Variants in NECAB1 observed in about 807,000 individuals in gnomAD.
The protein encoded by NECAB1 is N-terminal EF-hand calcium binding protein 1.
A neutral mutation model predicts 57.5 loss-of-function variants in NECAB1; 29 were observed. The ratio of observed to expected loss-of-function variants is 0.50; its 90% CI spans 0.38 to 0.69. The LOEUF is 0.69. Among genes scored for constraint, NECAB1 ranks in the 30% least tolerant of loss-of-function variants. The pLI, the probability that NECAB1 is intolerant of heterozygous loss-of-function variation, is 0.00. For synonymous variants in NECAB1, 142 were observed against 147.7 expected (o/e 0.96, Z 0.28); for missense variants, 372 against 413.8 (o/e 0.90, Z 0.88).
At chr8:90,834,615 C>G (rs1420859520) in intron 3 of NECAB1, among the ~76,000 whole-genome samples, 1 of 152,066 alleles carries the variant, frequency 6.6e-6, no homozygotes. Context: ...TATAAATTAC[C>G]CAGTCTGAAG....
chr8:90,793,003 A>G (rs1811600891), intron 1 of NECAB1, among the ~76,000 whole-genome samples: 1 of 152,190 alleles, frequency 6.6e-6, no homozygotes, highest in African/African-American at 2.4e-5. Context: ...GAAAATGTCA[A>G]AGGACATGGA....
chr8:90,885,107 T>C (rs1808944309), intron 5 of NECAB1, among the ~76,000 whole-genome samples: 1 of 152,216 alleles, frequency 6.6e-6, no homozygotes, highest in Admixed American at 6.5e-5. Context: ...CTAACCCTTC[T>C]AATTCATGTG....
At chr8:90,858,283 A>G (rs1812831083) in intron 3 of NECAB1, among the ~76,000 whole-genome samples, 1 of 152,224 alleles carries the variant, frequency 6.6e-6, no homozygotes, top group Non-Finnish European at 1.5e-5. Flanking sequence ...AACTGGCATC[A>G]GGTGTAGTAA....
At chr8:90,925,382 T>C (rs1420462841) in intron 6 of NECAB1, among the ~76,000 whole-genome samples, 153 bp from the exon 7 acceptor site, 3 of 152,198 alleles carry the variant, frequency 2.0e-5, no homozygotes, top group Non-Finnish European at 4.4e-5. Flanking sequence ...CCAAATTACA[T>C]TGGGTTTCTA....
At chr8:90,905,249 A>G (rs953410017) in intron 5 of NECAB1, among the ~76,000 whole-genome samples, 3 of 152,342 alleles carry the variant, frequency 2.0e-5, no homozygotes, top group African/African-American at 7.2e-5. Context: ...ATACAGGAAC[A>G]GGAACTTCAG....
At chr8:90,848,347 G>T (rs1428839157) in intron 3 of NECAB1, among the ~76,000 whole-genome samples, 1 of 152,062 alleles carries the variant, frequency 6.6e-6, no homozygotes, top group African/African-American at 2.4e-5. Flanking sequence ...CTCTAGTTTG[G>T]GAAATTCCAA....
At chr8:90,888,260 T>A (rs1809058430) in intron 5 of NECAB1, among the ~76,000 whole-genome samples, 1 of 152,214 alleles carries the variant, frequency 6.6e-6, no homozygotes, top group African/African-American at 2.4e-5. Flanking sequence ...CAAAGTACAC[T>A]GTTCTATTTA....
At position 90,959,141 on chromosome 8, in the gene NECAB1, C is replaced by T. The variant is rs1275707216; in HGVS notation, c.*3629C>T. On this transcript the variant is annotated 3_prime_UTR_variant, in exon 13 of 13. Coordinates refer to ENST00000417640, the MANE Select transcript of NECAB1 (RefSeq NM_022351.5). ...TACCAGGTGTTTACAGATTTAAATGCATGTTACCATAGAAACTATTAAAGT... is the reference window on the plus strand; with the variant it reads ...TACCAGGTGTTTACAGATTTAAATGTATGTTACCATAGAAACTATTAAAGT... 6 of 502,966 alleles carry T rather than the reference C, an allele frequency of 1.2e-5. No homozygotes were observed. Among genetic ancestry groups the T allele is most frequent in the Non-Finnish European group, 2.1e-5 (6 of 291,134 alleles). 31.2% of individuals were successfully genotyped at this position (502,966 alleles called of 1,614,324 possible).
At chr8:90,825,090 A>G (rs1033167864) in intron 3 of NECAB1, 4 of 219,668 alleles carry the variant, frequency 1.8e-5, no homozygotes, top group Non-Finnish European at 3.5e-5. Flanking sequence ...CAAAGTATAA[A>G]TTATAAATAA....
intron 5 of NECAB1, among the ~76,000 whole-genome samples, chr8:90,916,681 C>G (rs1012195093): frequency 6.6e-6 from 1 of 152,186 alleles, no homozygotes; most frequent in Non-Finnish European, 1.5e-5. Flanking sequence ...TTATTCCACA[C>G]CAACCTGGTT....
intron 3 of NECAB1, among the ~76,000 whole-genome samples, chr8:90,845,063 T>C (rs1204325074): frequency 6.6e-6 from 1 of 152,226 alleles, no homozygotes; most frequent in Non-Finnish European, 1.5e-5. Flanking sequence ...TCCCTGTTGC[T>C]AATGGAAGGT....
At chr8:90,797,936 C>G (rs554292572) in intron 1 of NECAB1, among the ~76,000 whole-genome samples, 9 of 152,122 alleles carry the variant, frequency 5.9e-5, no homozygotes, top group Non-Finnish European at 8.8e-5. Context: ...GTATTAGTTT[C>G]CTAGGGCTGC....
chr8:90,882,141 A>C (rs1808853710), intron 5 of NECAB1, among the ~76,000 whole-genome samples: 1 of 152,208 alleles, frequency 6.6e-6, no homozygotes, highest in African/African-American at 2.4e-5. Context: ...AAATAAAAAC[A>C]AAAAACCTCA....
At chr8:90,845,430 T>C (rs1812537008) in intron 3 of NECAB1, among the ~76,000 whole-genome samples, 1 of 152,178 alleles carries the variant, frequency 6.6e-6, no homozygotes, top group African/African-American at 2.4e-5. Flanking sequence ...TTATATTATG[T>C]ATTTATTTAT....
At chr8:90,871,510 G>T (rs1046155917) in intron 3 of NECAB1, among the ~76,000 whole-genome samples, 2 of 152,074 alleles carry the variant, frequency 1.3e-5, no homozygotes, top group Non-Finnish European at 2.9e-5. Context: ...GGTTTATATT[G>T]TTGATGAGTA....
At chr8:90,829,360 T>G (rs1812269450) in intron 3 of NECAB1, among the ~76,000 whole-genome samples, 1 of 152,096 alleles carries the variant, frequency 6.6e-6, no homozygotes, top group Non-Finnish European at 1.5e-5. Context: ...CATTTTGCAG[T>G]TAGCTATAGG....
chr8:90,857,062 AAAAT>A (rs1483660857), intron 3 of NECAB1, among the ~76,000 whole-genome samples: 2 of 152,198 alleles, frequency 1.3e-5, no homozygotes, highest in East Asian at 3.8e-4. Context: ...GGGTAAGCAC[AAAAT>A]AAACTTTTTA....
intron 3 of NECAB1, among the ~76,000 whole-genome samples, chr8:90,851,152 C>A (rs1443924634): frequency 6.6e-6 from 1 of 152,138 alleles, no homozygotes; most frequent in African/African-American, 2.4e-5. Context: ...AGTGGTATAC[C>A]CGAAGAGGGC....
chr8:90,797,101 G>A (rs960221032), intron 1 of NECAB1, among the ~76,000 whole-genome samples: 3 of 152,148 alleles, frequency 2.0e-5, no homozygotes, highest in Non-Finnish European at 4.4e-5. Flanking sequence ...TGGTTGCAGA[G>A]GACAGGAAGA....
Sources: gnomAD v4.1 joint callset for allele counts (sites outside exome capture counted in the v4.1 genomes callset) on GRCh38, gnomAD v4.1.1 for gene constraint, MANE v1.5 for transcripts, NCBI Gene and HGNC (gene_info 2026-07-23, HGNC 2026-07-21) for gene names.